Variants in SLC13A1 observed in about 807,000 individuals in gnomAD.
SLC13A1 encodes the protein solute carrier family 13 member 1.
A neutral mutation model predicts 70.0 loss-of-function variants in SLC13A1; 65 were observed. That is an observed-to-expected ratio of 0.93 (90% CI 0.76 to 1.14). SLC13A1 has a LOEUF of 1.14. Among genes scored for constraint, SLC13A1 ranks in the 50% most tolerant of loss-of-function variants. The pLI is 0.00. For missense variants in SLC13A1, 726 were observed against 717.8 expected (o/e 1.01, Z -0.13); for synonymous variants, 275 against 250.5 (o/e 1.10, Z -0.92).
intron 7 of SLC13A1, among the ~76,000 whole-genome samples, chr7:123,142,206 C>G (rs539095040): frequency 6.6e-6 from 1 of 152,142 alleles, no homozygotes; most frequent in Non-Finnish European, 1.5e-5. Flanking sequence ...TGAAAGCTCA[C>G]CCCGTGTCCA....
Position 123,113,811 on chromosome 7 carries a change from A to C in SLC13A1, c.*1707T>G, listed in dbSNP as rs1303795964. The C allele has an allele frequency of 4.6e-5, 7 of 152,200 alleles. No individual in the cohort carries two copies. Among genetic ancestry groups the C allele is most frequent in the African/African-American group, 9.7e-5 (4 of 41,450 alleles). The allele number at this position is 152,200 out of a possible 1,614,324, so 9.4% of individuals were successfully genotyped here. A position where few individuals can be genotyped will look rare whatever the true frequency, so the allele number is the denominator to read the frequency against. On this transcript the variant is annotated 3_prime_UTR_variant, in exon 15 of 15. Coordinates refer to ENST00000194130, the MANE Select transcript of SLC13A1 (RefSeq NM_022444.4). The stretch of plus-strand genomic sequence containing the variant: ...ATTGGCCCATTAATAAACATAGATA[A>C]ATAATGAACATGGCCAATTAATAAT...
chr7:123,129,784 T>C lies in SLC13A1; in HGVS notation c.933-303A>G, dbSNP rs561976029. ...CCTTTTTCCAAGTTATTTTGTACCA[T>C]TGGAATTTTGCCATGTGCCACTTAT... On this transcript the variant is annotated intron_variant, in intron 8 of 14. Transcript: ENST00000194130. 8.5e-5 allele frequency among the ~76,000 whole-genome samples: 13 copies of C among 152,328 alleles called. No individual in the cohort carries two copies. The South Asian group carries it at 2.3e-3, about 27-fold the overall frequency.
intron 11 of SLC13A1, 35 bp from the exon 12 acceptor site, chr7:123,123,270 T>G: frequency 7.8e-7 from 1 of 1,287,284 alleles, no homozygotes; most frequent in Non-Finnish European, 1.1e-6. Context: ...ACACATTGCT[T>G]AAAATATTAC....
intron 12 of SLC13A1, 57 bp from the exon 13 acceptor site, chr7:123,119,299 C>A (rs1028368204): frequency 2.7e-6 from 3 of 1,109,964 alleles, no homozygotes; most frequent in South Asian, 1.7e-5. Context: ...TAATCAGACA[C>A]AATAAAATCC....
At chr7:123,192,990 T>C (rs889006265) in intron 1 of SLC13A1, among the ~76,000 whole-genome samples, 9 of 152,012 alleles carry the variant, frequency 5.9e-5, no homozygotes, top group Admixed American at 2.0e-4. Context: ...TATTGGGAAA[T>C]TTTTAGTTCC....
intron 6 of SLC13A1, among the ~76,000 whole-genome samples, chr7:123,150,474 C>A (rs1043381683): frequency 6.6e-6 from 1 of 152,116 alleles, no homozygotes; most frequent in African/African-American, 2.4e-5. Flanking sequence ...GCCATCCTTA[C>A]AGAAGAAAAA....
At chr7:123,176,269 C>T (rs1446355161) in intron 2 of SLC13A1, among the ~76,000 whole-genome samples, 1 of 152,174 alleles carries the variant, frequency 6.6e-6, no homozygotes, top group Middle Eastern at 3.2e-3. Flanking sequence ...TGAGAAGAAA[C>T]ATTAGCCTCA....
rs1031177575 is a variant in SLC13A1 at position 123,178,597 on chromosome 7, G to A, written c.228+2376C>T. On this transcript the variant is annotated intron_variant, in intron 2 of 14. Transcript: ENST00000194130. ...ATTAAAGGACATGATCATAATCAGT[G>A]ATAAATATCAAATTTTAAGCTCAGG... is the stretch of plus-strand genomic sequence containing the variant. Among the ~76,000 whole-genome samples, 57 of 152,082 alleles carry A rather than the reference G, an allele frequency of 3.7e-4. 1 individual carries two copies. Among genetic ancestry groups the A allele is most frequent in the African/African-American group, 1.3e-3 (55 of 41,430 alleles).
chr7:123,177,797 C>A (rs1795498639), intron 2 of SLC13A1, among the ~76,000 whole-genome samples: 1 of 152,078 alleles, frequency 6.6e-6, no homozygotes, highest in South Asian at 2.1e-4. Context: ...CCTGTTGCAT[C>A]TTTTCCATAG....
chr7:123,146,885 A>G (rs998968878), intron 7 of SLC13A1, among the ~76,000 whole-genome samples: 8 of 152,134 alleles, frequency 5.3e-5, no homozygotes, highest in African/African-American at 1.9e-4. Flanking sequence ...TTTTCAATGA[A>G]AAATGTTTTT....
At chr7:123,115,900 G>A (rs1419063888) in intron 14 of SLC13A1, among the ~76,000 whole-genome samples, 4 of 152,116 alleles carry the variant, frequency 2.6e-5, no homozygotes, top group Admixed American at 6.5e-5. Flanking sequence ...AAATCCAGGG[G>A]TTCTTCTCCA....
chr7:123,182,054 A>G (rs1795658560), intron 1 of SLC13A1, among the ~76,000 whole-genome samples: 1 of 152,176 alleles, frequency 6.6e-6, no homozygotes, highest in African/African-American at 2.4e-5. Flanking sequence ...AGATATCCTT[A>G]ATAAGCCAGG....
In SLC13A1 at chr7:123,147,366, T is replaced by A. The variant is rs975593988; in HGVS notation, c.661-56A>T. On this transcript the variant is annotated intron_variant, in intron 6 of 14. Transcript: ENST00000194130. Reference sequence around the variant, plus strand: ...GAACTGCTCTATATTTGTTATGGACTGAATATTTGTGTCCCACCACCCGCA... The same window carrying A: ...GAACTGCTCTATATTTGTTATGGACAGAATATTTGTGTCCCACCACCCGCA... The A allele has an allele frequency of 9.6e-6, 15 of 1,565,472 alleles. 1 individual carries two copies. The highest frequency in any genetic ancestry group is 8.1e-5 in the South Asian group (7 of 86,618).
intron 6 of SLC13A1, among the ~76,000 whole-genome samples, chr7:123,166,598 T>C (rs1434747018): frequency 6.6e-6 from 1 of 152,026 alleles, no homozygotes; most frequent in African/African-American, 2.4e-5. Context: ...CCTGTGCCCA[T>C]GTGTTCTCAT....
At chr7:123,194,320 A>C (rs1037285527) in intron 1 of SLC13A1, among the ~76,000 whole-genome samples, 2 of 152,092 alleles carry the variant, frequency 1.3e-5, no homozygotes, top group Non-Finnish European at 2.9e-5. Flanking sequence ...GAGAGACAAG[A>C]ATAATCACAG....
chr7:123,126,981 A>G (rs553273009), intron 10 of SLC13A1, among the ~76,000 whole-genome samples: 1 of 152,250 alleles, frequency 6.6e-6, no homozygotes, highest in Non-Finnish European at 1.5e-5. Context: ...GAAACTCTAC[A>G]TAACAAATAT....
At chr7:123,187,267 T>C (rs1224519958) in intron 1 of SLC13A1, among the ~76,000 whole-genome samples, 2 of 152,144 alleles carry the variant, frequency 1.3e-5, no homozygotes, top group Non-Finnish European at 2.9e-5. Context: ...ACCAGAGACA[T>C]GAAGTTATTA....
At chr7:123,156,966 T>C (rs1426106235) in intron 6 of SLC13A1, among the ~76,000 whole-genome samples, 1 of 152,104 alleles carries the variant, frequency 6.6e-6, no homozygotes, top group Non-Finnish European at 1.5e-5. Flanking sequence ...TTCTATGCTC[T>C]CTTGGATGCC....
chr7:123,123,160 A>G lies in SLC13A1; in HGVS notation c.1316T>C (p.Val439Ala). 4 of 1,613,552 alleles carry G rather than the reference A, an allele frequency of 2.5e-6. No individual in the cohort carries two copies. The highest frequency in any genetic ancestry group is 2.2e-5 in the East Asian group (1 of 44,860). ...ATCTGCCAGGGCAAACCCTCCACCA[A>G]CAAGAATGGCTATATCCCAGGGCAT... ...SFMPWDIAIL[V>A]GGGFALADGC... Residue 439 changes from valine to alanine, a missense_variant, in exon 12 of 15, where the codon GTT (valine) becomes GCT (alanine). Coordinates refer to ENST00000194130, the MANE Select transcript of SLC13A1 (RefSeq NM_022444.4).
Sources: gnomAD v4.1 joint callset for allele counts (sites outside exome capture counted in the v4.1 genomes callset) on GRCh38, gnomAD v4.1.1 for gene constraint, MANE v1.5 for transcripts, NCBI Gene and HGNC (gene_info 2026-07-23, HGNC 2026-07-21) for gene names.